ATP10B: variants seen among roughly 807,000 people sequenced by gnomAD.
The protein encoded by ATP10B is ATPase phospholipid transporting 10B (putative).
In ATP10B, 122 loss-of-function variants were observed where a neutral mutation model predicts 141.2. The observed-to-expected ratio is 0.86, with a 90% CI of 0.75 to 1.00. ATP10B has a LOEUF of 1.00. Ranked by LOEUF, ATP10B falls within the 50% of genes least tolerant of loss-of-function variation. The pLI is 0.00. For missense variants in ATP10B, 1,876 were observed against 1,825.3 expected (o/e 1.03, Z -0.51); for synonymous variants, 685 against 692.0 (o/e 0.99, Z 0.16).
At chr5:160,745,280 C>A (rs913275752) in intron 2 of ATP10B, among the ~76,000 whole-genome samples, 2 of 152,124 alleles carry the variant, frequency 1.3e-5, no homozygotes, top group Non-Finnish European at 2.9e-5. Context: ...AACCACTGGG[C>A]AGCTTTATTT....
At position 160,716,610 on chromosome 5, in the gene ATP10B, C is replaced by T. The variant is rs10043922; in HGVS notation, c.-205+299G>A. ...TGGGAAGACGATACATATGAGTCTC[C>T]ATTATCTAGGGTTAGGTTCAGCCAC... On this transcript the variant is annotated intron_variant, in intron 3 of 25. Transcript: ENST00000327245. Among the ~76,000 whole-genome samples the T allele has an allele frequency of 2.1e-3, 324 of 152,240 alleles. 1 individual carries two copies. Among genetic ancestry groups the T allele is most frequent in the African/African-American group, 7.4e-3 (309 of 41,538 alleles).
At chr5:160,911,256 C>A in the ATP10B span, among the ~76,000 whole-genome samples, 5 of 152,200 alleles carry the variant, frequency 3.3e-5, no homozygotes, top group African/African-American at 1.2e-4. Flanking sequence ...TCAAAACTAA[C>A]TCTGCTATAC....
In ATP10B at chr5:160,598,837, TCAAGGACTC is replaced by T; in HGVS notation, c.3488_3496del (p.Gly1163_Leu1165del). 6.2e-7 allele frequency: 1 copy of T among 1,614,142 alleles called. No individual in the cohort carries two copies. The highest frequency in any genetic ancestry group is 8.5e-7 in the Non-Finnish European group (1 of 1,179,996). On this transcript the variant is annotated inframe_deletion, in exon 22 of 26. Transcript: ENST00000327245. ...GAGTGTTTCTGCAGAGATGTCTTTG[TCAAGGACTC>T]CAAAGACAAGAGGAGGCAAGGAGGT...
At chr5:160,716,636 A>G (rs1293580786) in intron 3 of ATP10B, among the ~76,000 whole-genome samples, 1 of 152,232 alleles carries the variant, frequency 6.6e-6, no homozygotes, top group East Asian at 1.9e-4. Flanking sequence ...GTTCAGCCAC[A>G]TTTAACAACT....
At chr5:160,632,800 A>G (rs1759036157) in intron 12 of ATP10B, 1 of 156,378 alleles carries the variant, frequency 6.4e-6, no homozygotes, top group African/African-American at 2.4e-5. Context: ...CAAAGGGGAT[A>G]CAGCTGCTTA....
intron 1 of ATP10B, among the ~76,000 whole-genome samples, chr5:160,831,638 A>T (rs1336156542): frequency 6.6e-6 from 1 of 152,108 alleles, no homozygotes; most frequent in Admixed American, 6.6e-5. Flanking sequence ...AACAAGCATG[A>T]ATCTACCCCA....
intron 1 of ATP10B, among the ~76,000 whole-genome samples, chr5:160,840,282 A>T (rs1775731595): frequency 6.6e-6 from 1 of 152,090 alleles, no homozygotes; most frequent in African/African-American, 2.4e-5. Context: ...GCATAAGAAT[A>T]GGTAGAAAAA....
At chr5:160,618,087 C>T (rs1019475678) in intron 15 of ATP10B, 114 bp from the exon 16 acceptor site, 2 of 844,760 alleles carry the variant, frequency 2.4e-6, no homozygotes, top group Admixed American at 2.0e-5. Flanking sequence ...GAAGGAATCC[C>T]TTACAGCCCA....
At chr5:160,898,904 C>A in the ATP10B span, among the ~76,000 whole-genome samples, 1 of 146,002 alleles carries the variant, frequency 6.8e-6, no homozygotes, top group Admixed American at 7.1e-5. Context: ...AACAGAAAAC[C>A]AAACACTGCA....
chr5:160,883,947 C>A, the ATP10B span, among the ~76,000 whole-genome samples: 1 of 152,242 alleles, frequency 6.6e-6, no homozygotes, highest in East Asian at 1.9e-4. Context: ...AAGACTCTAT[C>A]AGGAAATCTC....
intron 7 of ATP10B, among the ~76,000 whole-genome samples, chr5:160,664,204 G>A (rs1462983131): frequency 6.6e-6 from 1 of 152,188 alleles, no homozygotes; most frequent in Non-Finnish European, 1.5e-5. Context: ...AAATCTAGCA[G>A]GAAAGAGGAA....
chr5:160,733,143 T>C (rs1307484360), intron 2 of ATP10B, among the ~76,000 whole-genome samples: 3 of 152,222 alleles, frequency 2.0e-5, no homozygotes, highest in East Asian at 3.8e-4. Flanking sequence ...AACTGTGTTT[T>C]GTAGTTTTCA....
rs775089589 is a variant in ATP10B at position 160,569,624 on chromosome 5, G to A, written c.3810C>T (p.Leu1270=). 5.6e-6 allele frequency: 9 copies of A among 1,610,640 alleles called. No individual in the cohort carries two copies. The highest frequency in any genetic ancestry group is 7.6e-6 in the Non-Finnish European group (9 of 1,178,644). ...AGATGACGCAGGTGGCATTGTACAG[G>A]AGGGATACCAGAAAGTACATCAGGA... The part of the protein sequence containing the change: ...GSFLMYFLVS[L]LYNATCVICN... Residue 1270 remains leucine, a synonymous_variant, in exon 25 of 26, where the codon CTC becomes CTT. Coordinates refer to ENST00000327245, the MANE Select transcript of ATP10B (RefSeq NM_025153.3).
chr5:160,886,926 A>T, the ATP10B span, among the ~76,000 whole-genome samples: 3 of 152,176 alleles, frequency 2.0e-5, no homozygotes, highest in Admixed American at 6.5e-5. Flanking sequence ...GGAAAAACCT[A>T]AGCATTTATT....
At chr5:160,795,852 T>C (rs1771913071) in intron 1 of ATP10B, among the ~76,000 whole-genome samples, 1 of 152,104 alleles carries the variant, frequency 6.6e-6, no homozygotes, top group Non-Finnish European at 1.5e-5. Flanking sequence ...AGAGGAAGCA[T>C]GGCTCTGTGA....
At chr5:160,679,455 C>T (rs1763239555) in intron 6 of ATP10B, among the ~76,000 whole-genome samples, 1 of 152,328 alleles carries the variant, frequency 6.6e-6, no homozygotes, top group East Asian at 1.9e-4. Flanking sequence ...AATATGTTCC[C>T]TCTGCCTGGC....
the ATP10B span, among the ~76,000 whole-genome samples, chr5:160,862,843 AG>A: frequency 6.6e-6 from 1 of 151,982 alleles, no homozygotes; most frequent in African/African-American, 2.4e-5. Flanking sequence ...GCCACATAAA[AG>A]TTCCTTGGAA....
chr5:160,894,846 A>G, the ATP10B span, among the ~76,000 whole-genome samples: 24 of 152,366 alleles, frequency 1.6e-4, no homozygotes, highest in Admixed American at 1.2e-3. Context: ...TCAGACTAAC[A>G]GTGGATCTCT....
intron 1 of ATP10B, among the ~76,000 whole-genome samples, chr5:160,837,083 T>A (rs773926221): frequency 6.6e-6 from 1 of 152,190 alleles, no homozygotes; most frequent in Non-Finnish European, 1.5e-5. Context: ...ATCAAAGTCT[T>A]CCACCTCATC....
Sources: gnomAD v4.1 joint callset for allele counts (sites outside exome capture counted in the v4.1 genomes callset) on GRCh38, gnomAD v4.1.1 for gene constraint, MANE v1.5 for transcripts, NCBI Gene and HGNC (gene_info 2026-07-23, HGNC 2026-07-21) for gene names.